ULK4: variants seen among roughly 807,000 people sequenced by gnomAD.
The protein encoded by ULK4 is unc-51 like kinase 4.
Under a neutral mutation model 160.6 loss-of-function variants are expected in ULK4, and 133 were observed. The observed-to-expected ratio is 0.83, with a 90% CI of 0.72 to 0.96. The LOEUF is 0.96. Among genes scored for constraint, ULK4 ranks in the 40% least tolerant of loss-of-function variants. ULK4 has a pLI of 0.00. For synonymous variants in ULK4, 534 were observed against 539.8 expected, an observed-to-expected ratio of 0.99 and a Z score of 0.15; for missense variants, 1,580 against 1,499.5, an observed-to-expected ratio of 1.05 and a Z score of -0.89.
chr3:41,737,073 C>T (rs987556579), intron 22 of ULK4, among the ~76,000 whole-genome samples: 21 of 151,860 alleles, frequency 1.4e-4, no homozygotes, highest in Non-Finnish European at 2.9e-4. Flanking sequence ...GGTACCAGTA[C>T]CATGCTGTTT....
At chr3:41,296,329 G>A (rs908005163) in intron 35 of ULK4, among the ~76,000 whole-genome samples, 1 of 152,124 alleles carries the variant, frequency 6.6e-6, no homozygotes, top group Non-Finnish European at 1.5e-5. Flanking sequence ...AAAAGAAAAA[G>A]GGCTCCTGGA....
At chr3:41,285,377 G>GTATA (rs751335514) in intron 35 of ULK4, among the ~76,000 whole-genome samples, 3 of 151,548 alleles carry the variant, frequency 2.0e-5, no homozygotes, top group African/African-American at 7.3e-5. Flanking sequence ...AGAAACTGTG[G>GTATA]TATATATATA....
At chr3:41,384,003 T>C (rs2081738132) in intron 35 of ULK4, among the ~76,000 whole-genome samples, 1 of 152,164 alleles carries the variant, frequency 6.6e-6, no homozygotes, top group African/African-American at 2.4e-5. Context: ...AAAAAGTCAA[T>C]GTGGGAAATA....
chr3:41,911,683 A>G, intron 9 of ULK4, 24 bp from the exon 10 acceptor site: 1 of 1,560,940 alleles, frequency 6.4e-7, no homozygotes, highest in Non-Finnish European at 8.8e-7. Context: ...AAACCAACAC[A>G]ATCAAACTTA....
chr3:41,669,226 T>A (rs1178117102), intron 29 of ULK4, among the ~76,000 whole-genome samples: 1 of 152,158 alleles, frequency 6.6e-6, no homozygotes, highest in Non-Finnish European at 1.5e-5. Flanking sequence ...ATGTATTAAA[T>A]ACCTTTAAAA....
At chr3:41,478,356 C>A (rs1380374071) in intron 32 of ULK4, among the ~76,000 whole-genome samples, 1 of 138,212 alleles carries the variant, frequency 7.2e-6, no homozygotes, top group Non-Finnish European at 1.6e-5. Flanking sequence ...TTTCAAAAAT[C>A]TGGAAAGTCT....
chr3:41,293,948 G>C (rs780658453), intron 35 of ULK4, among the ~76,000 whole-genome samples: 3 of 152,222 alleles, frequency 2.0e-5, no homozygotes, highest in Non-Finnish European at 2.9e-5. Flanking sequence ...TCAGTAAAGA[G>C]AACAGTGTGA....
At chr3:41,725,049 T>C (rs1462944176) in intron 22 of ULK4, among the ~76,000 whole-genome samples, 1 of 152,228 alleles carries the variant, frequency 6.6e-6, no homozygotes, top group Admixed American at 6.5e-5. Flanking sequence ...TGAATGTCTC[T>C]TACTCTGTGG....
At chr3:41,285,391 G>A (rs2079437564) in intron 35 of ULK4, among the ~76,000 whole-genome samples, 1 of 152,060 alleles carries the variant, frequency 6.6e-6, no homozygotes, top group African/African-American at 2.4e-5. Context: ...ATATATATAT[G>A]ATGGAATACT....
chr3:41,627,238 T>C (rs2125698605), intron 30 of ULK4, among the ~76,000 whole-genome samples: 1 of 152,206 alleles, frequency 6.6e-6, no homozygotes, highest in East Asian at 1.9e-4. Flanking sequence ...GAGAGGTAAA[T>C]AAAGAAGGGA....
intron 35 of ULK4, among the ~76,000 whole-genome samples, chr3:41,265,245 A>G (rs967221493): frequency 2.0e-5 from 3 of 152,226 alleles, no homozygotes; most frequent in Non-Finnish European, 4.4e-5. Flanking sequence ...CAAGGTGGCC[A>G]GCTCTGAGAA....
chr3:41,600,704 G>A (rs891611189), intron 31 of ULK4, among the ~76,000 whole-genome samples: 30 of 152,120 alleles, frequency 2.0e-4, no homozygotes, highest in African/African-American at 7.0e-4. Context: ...ACACTATACT[G>A]GATTATAACT....
intron 5 of ULK4, among the ~76,000 whole-genome samples, chr3:41,921,916 G>A (rs1340957903): frequency 6.6e-6 from 1 of 152,162 alleles, no homozygotes; most frequent in African/African-American, 2.4e-5. Flanking sequence ...CATTCTGGGA[G>A]GCCGAGGCAG....
At chr3:41,839,244 G>A (rs1055155923) in intron 17 of ULK4, among the ~76,000 whole-genome samples, 3 of 151,914 alleles carry the variant, frequency 2.0e-5, no homozygotes. Flanking sequence ...GGAGGCCAAG[G>A]CAGGAGAATC....
chr3:41,386,927 T>C (rs1231168525), intron 35 of ULK4, among the ~76,000 whole-genome samples: 1 of 152,134 alleles, frequency 6.6e-6, no homozygotes, highest in South Asian at 2.1e-4. Flanking sequence ...AGGTGGACTA[T>C]CATTTTATCA....
chr3:41,862,399 GC>G (rs1357593515), intron 17 of ULK4, among the ~76,000 whole-genome samples: 1 of 152,106 alleles, frequency 6.6e-6, no homozygotes, highest in Non-Finnish European at 1.5e-5. Flanking sequence ...GGTCCCTCGT[GC>G]CTTATTTATA....
intron 32 of ULK4, among the ~76,000 whole-genome samples, chr3:41,469,616 A>AAAAAAAAAAAAAAAAAC (rs1559625795): frequency 6.8e-6 from 1 of 148,106 alleles, no homozygotes; most frequent in African/African-American, 2.5e-5. Context: ...AAAAAAAAAA[A>AAAAAAAAAAAAAAAAAC]AAAAAAAAAA....
chr3:41,643,685 G>A (rs2034344206), intron 30 of ULK4, among the ~76,000 whole-genome samples: 1 of 152,030 alleles, frequency 6.6e-6, no homozygotes, highest in African/African-American at 2.4e-5. Context: ...GCTCTTTTTT[G>A]GTTCCATATG....
chr3:41,933,810 G>A (rs910473455), intron 4 of ULK4, among the ~76,000 whole-genome samples: 5 of 152,058 alleles, frequency 3.3e-5, no homozygotes, highest in Admixed American at 2.0e-4. Flanking sequence ...AGCACTTTGG[G>A]AAGCCAAGGC....
Sources: allele counts gnomAD v4.1 joint callset (sites outside exome capture counted in the v4.1 genomes callset), GRCh38; gene constraint gnomAD v4.1.1; transcripts MANE v1.5; gene names NCBI Gene and HGNC (gene_info 2026-07-23, HGNC 2026-07-21).